NOS1: variants seen among roughly 807,000 people sequenced by gnomAD.
The protein encoded by NOS1 is NOS type I.
NOS1 carries 51 observed loss-of-function variants against 164.5 expected under a neutral mutation model. That is an observed-to-expected ratio of 0.31 (90% CI 0.25 to 0.39). The LOEUF (loss-of-function observed/expected upper bound fraction) is 0.39. Ranked by LOEUF, NOS1 falls within the 10% of genes least tolerant of loss-of-function variation. The pLI is 1.00. For synonymous variants in NOS1, 719 were observed against 745.8 expected, an observed-to-expected ratio of 0.96 and a Z score of 0.59; for missense variants, 1,362 against 1,885.6, an observed-to-expected ratio of 0.72 and a Z score of 5.14.
chr12:117,224,443 G>A (rs901673481), intron 25 of NOS1, among the ~76,000 whole-genome samples: 13 of 152,010 alleles, frequency 8.6e-5, no homozygotes, highest in Non-Finnish European at 1.9e-4. Context: ...CCGCCACCAC[G>A]CCGGGCTAAA....
chr12:117,265,073 T>C (rs1015567174), intron 12 of NOS1, among the ~76,000 whole-genome samples: 1 of 152,010 alleles, frequency 6.6e-6, no homozygotes, highest in Non-Finnish European at 1.5e-5. Context: ...CTCAAACTCC[T>C]GGCCTCAAGC....
chr12:117,288,240 G>T, intron 4 of NOS1, 21 bp from the exon 5 acceptor site: 1 of 1,603,988 alleles, frequency 6.2e-7, no homozygotes, highest in South Asian at 1.1e-5. Flanking sequence ...AAGAGATTTG[G>T]GGTATTGCTT....
At chr12:117,286,525 G>A (rs916314372) in intron 5 of NOS1, among the ~76,000 whole-genome samples, 2 of 152,104 alleles carry the variant, frequency 1.3e-5, no homozygotes, top group African/African-American at 2.4e-5. Flanking sequence ...TGTCCAAAGC[G>A]GGCAGCCACG....
At chr12:117,228,857 T>C (rs577619399) in intron 22 of NOS1, among the ~76,000 whole-genome samples, 17 of 152,328 alleles carry the variant, frequency 1.1e-4, no homozygotes, top group African/African-American at 4.1e-4. Flanking sequence ...CTTGGCTCAC[T>C]GTAAGCTCCG....
chr12:117,212,814 C>T lies in NOS1; in HGVS notation c.*2495G>A. On this transcript the variant is annotated 3_prime_UTR_variant, in exon 29 of 29. Transcript: ENST00000317775. ...CTTGATCTGAGCCTAACAATCTGGA[C>T]TCCACTCTGGTCCTTGAGAGGTTAC... 1 of 985,458 alleles carries T rather than the reference C, an allele frequency of 1.0e-6. No homozygotes were observed. The highest frequency in any genetic ancestry group is 1.2e-6 in the Non-Finnish European group (1 of 829,946). 61.0% of individuals were successfully genotyped at this position (985,458 alleles called of 1,614,324 possible). A position where few individuals can be genotyped will look rare whatever the true frequency, so the allele number is the denominator to read the frequency against.
Position 117,356,879 on chromosome 12 carries a change from C to T in NOS1, c.-421+4633G>A, listed in dbSNP as rs1354318610. Among the ~76,000 whole-genome samples, 1 of 152,192 alleles carries T rather than the reference C, an allele frequency of 6.6e-6. No individual in the cohort carries two copies. The highest frequency in any genetic ancestry group is 1.5e-5 in the Non-Finnish European group (1 of 68,042). On this transcript the variant is annotated intron_variant, in intron 1 of 28. Transcript: ENST00000317775. This position sits in a 1 kb window ranked among gnomAD's most constrained non-coding sequence, Gnocchi z 4.2. ...AGAATGGGCATGTGAGCAACATAAA[C>T]ACACTTGCAAAGGCTGAGTGGAAGG...
At chr12:117,297,095 C>T (rs1435246019) in intron 3 of NOS1, among the ~76,000 whole-genome samples, 1 of 152,250 alleles carries the variant, frequency 6.6e-6, no homozygotes, top group Non-Finnish European at 1.5e-5. Flanking sequence ...TCCTTAAATG[C>T]TAAGCCAAGG....
At chr12:117,306,953 T>C (rs1874180972) in intron 3 of NOS1, among the ~76,000 whole-genome samples, 1 of 152,196 alleles carries the variant, frequency 6.6e-6, no homozygotes, top group Non-Finnish European at 1.5e-5. Flanking sequence ...CTGTTTCCTT[T>C]TTGTTTTAGG....
Position 117,288,227 on chromosome 12 carries a change from A to C in NOS1, c.982-8T>G. On this transcript the variant is annotated splice_region_variant and splice_polypyrimidine_tract_variant and intron_variant, in intron 4 of 28. Transcript: ENST00000317775. ...CTCAGTGCATCCCGTTTCCTGGAAG[A>C]TCAAGAGATTTGGGGTATTGCTTGG... The C allele has an allele frequency of 6.2e-7, 1 of 1,609,824 alleles. No individual in the cohort carries two copies. Among genetic ancestry groups the C allele is most frequent in the Non-Finnish European group, 8.5e-7 (1 of 1,178,444 alleles).
chr12:117,311,403 C>A, intron 3 of NOS1, 63 bp downstream of exon 3: 1 of 1,510,196 alleles, frequency 6.6e-7, no homozygotes, highest in Non-Finnish European at 8.9e-7. Context: ...CTCAGCTTCC[C>A]ACCTGGGAGG....
chr12:117,222,764 A>AC lies in NOS1; in HGVS notation c.3925dup (p.Val1309GlyfsTer54). ...GTAAGCCGTGTACAGCTCTCTGAAG[A>AC]CCCCCTTGTTCTTGGCCTGCAGGGT... is the stretch of plus-strand genomic sequence containing the variant. On this transcript the variant is annotated frameshift_variant, in exon 26 of 29. Transcript: ENST00000317775. LOFTEE classifies it high-confidence loss of function. The AC allele has an allele frequency of 6.2e-7, 1 of 1,612,172 alleles. No homozygotes were observed. Among genetic ancestry groups the AC allele is most frequent in the Non-Finnish European group, 8.5e-7 (1 of 1,179,772 alleles).
chr12:117,328,211 T>G (rs1875350153), intron 2 of NOS1, among the ~76,000 whole-genome samples: 1 of 152,060 alleles, frequency 6.6e-6, no homozygotes, highest in South Asian at 2.1e-4. Context: ...CACTCTGTGG[T>G]CCAGGCTGGA....
At chr12:117,290,906 G>C (rs1480657905) in intron 3 of NOS1, among the ~76,000 whole-genome samples, 1 of 152,090 alleles carries the variant, frequency 6.6e-6, no homozygotes, top group African/African-American at 2.4e-5. Flanking sequence ...TGAGAAAACA[G>C]AAAGATTTAA....
chr12:117,214,086 G>A lies in NOS1; in HGVS notation c.*1223C>T, dbSNP rs1352621956. On this transcript the variant is annotated 3_prime_UTR_variant, in exon 29 of 29. Transcript: ENST00000317775. ...CCCACCCCAAGTTGTGGCTCCTATC[G>A]AAGAAGCCACGTGGGACCTCATTAT... 3 of 985,264 alleles carry A rather than the reference G, an allele frequency of 3.0e-6. No homozygotes were observed. In the African/African-American group the frequency reaches 5.2e-5, roughly 17 times the overall value. 61.0% of individuals were successfully genotyped at this position (985,264 alleles called of 1,614,324 possible). A position where few individuals can be genotyped will look rare whatever the true frequency, so the allele number is the denominator to read the frequency against.
intron 1 of NOS1, among the ~76,000 whole-genome samples, chr12:117,335,698 T>G (rs1875772835): frequency 7.0e-6 from 1 of 143,234 alleles, no homozygotes. Context: ...GCCCTCTGCA[T>G]AGGGGTTTTA....
At chr12:117,251,187 C>A (rs780789876) in intron 17 of NOS1, among the ~76,000 whole-genome samples, 58 of 152,268 alleles carry the variant, frequency 3.8e-4, no homozygotes, top group Non-Finnish European at 5.7e-4. Flanking sequence ...AGAGAGAGGG[C>A]CCTCACCAGA....
At chr12:117,324,525 T>C (rs1029493760) in intron 2 of NOS1, among the ~76,000 whole-genome samples, 16 of 152,016 alleles carry the variant, frequency 1.1e-4, no homozygotes, top group Admixed American at 7.9e-4. Context: ...AGGCTAGGAG[T>C]TTGAGACCAG....
Position 117,272,405 on chromosome 12 carries a change from A to G in NOS1, c.1819T>C (p.Ser607Pro), listed in dbSNP as rs71653608. The part of the protein sequence containing the change: ...EIGVRDYCDN[S>P]RYNILEEVAK... The stretch of plus-strand genomic sequence containing the variant: ...CTTACCTCCAGGATATTGTAGCGGG[A>G]GTTGTCACAGTAGTCGCGGACACCA... The change falls in exon 10 of 29, where the codon TCC (serine) becomes CCC (proline). Residue 607 changes from serine (S) to proline (P), a missense_variant. Ser to Pro is a moderately conservative substitution (Grantham distance 74). This residue lies in a region of NOS1 where 134 missense variants were observed against 267.3 expected (regional missense o/e 0.50). Transcript: ENST00000317775. The surrounding 1 kb of genome is among the most constrained non-coding windows in gnomAD (Gnocchi z 4.3). The G allele has an allele frequency of 1.9e-6, 3 of 1,613,896 alleles. No homozygotes were observed. Among genetic ancestry groups the G allele is most frequent in the Admixed American group, 1.7e-5 (1 of 59,982 alleles).
chr12:117,258,381 G>A lies in NOS1; in HGVS notation c.2531+16C>T, dbSNP rs2135976332. 8 of 1,613,896 alleles carry A rather than the reference G, an allele frequency of 5.0e-6. No homozygotes were observed. The East Asian group carries it at 1.8e-4, about 36-fold the overall frequency. Reference sequence around the variant, plus strand: ...CTCGGGGGTGGCGGGTGACGTCGGAGGGGTCATTCACTTACTTCCTTTCTT... The same window carrying A: ...CTCGGGGGTGGCGGGTGACGTCGGAAGGGTCATTCACTTACTTCCTTTCTT... On this transcript the variant is annotated intron_variant, in intron 16 of 28. Transcript: ENST00000317775.
Sources: allele counts gnomAD v4.1 joint callset (sites outside exome capture counted in the v4.1 genomes callset), GRCh38; gene constraint gnomAD v4.1.1; regional missense constraint gnomAD v4.1.1; non-coding constraint Gnocchi (gnomAD v3.1); transcripts MANE v1.5; gene names NCBI Gene and HGNC (gene_info 2026-07-23, HGNC 2026-07-21).